RAPGEF4: variants seen among roughly 807,000 people sequenced by gnomAD.
RAPGEF4 encodes Rap guanine nucleotide exchange factor 4.
A neutral mutation model predicts 147.9 loss-of-function variants in RAPGEF4; 66 were observed. That is an observed-to-expected ratio of 0.45 (90% CI 0.37 to 0.55). RAPGEF4 has a LOEUF of 0.55. Ranked by LOEUF, RAPGEF4 falls within the 20% of genes least tolerant of loss-of-function variation. RAPGEF4 has a pLI of 0.00. For missense variants in RAPGEF4, 1,071 were observed against 1,257.3 expected, an observed-to-expected ratio of 0.85 and a Z score of 2.24; for synonymous variants, 419 against 442.7, an observed-to-expected ratio of 0.95 and a Z score of 0.67.
intron 6 of RAPGEF4, among the ~76,000 whole-genome samples, chr2:172,947,052 G>A (rs576582336): frequency 2.6e-5 from 4 of 152,256 alleles, no homozygotes; most frequent in African/African-American, 9.6e-5. Context: ...TCTGAGACTT[G>A]ACATTCAGCT....
intron 1 of RAPGEF4, among the ~76,000 whole-genome samples, chr2:172,788,314 G>A (rs1685444414): frequency 6.6e-6 from 1 of 152,126 alleles, no homozygotes; most frequent in Non-Finnish European, 1.5e-5. Flanking sequence ...ATAAATAATG[G>A]GGTTAGATGC....
At chr2:172,962,884 C>G (rs2011581) in intron 8 of RAPGEF4, among the ~76,000 whole-genome samples, 55,865 of 151,858 alleles carry the variant, frequency 0.37, 10,422 homozygotes, top group East Asian at 0.44. Context: ...TCTAGTCTGT[C>G]GACCTGTATT....
At chr2:172,853,184 C>T (rs1267843165) in intron 4 of RAPGEF4, among the ~76,000 whole-genome samples, 2 of 151,994 alleles carry the variant, frequency 1.3e-5, no homozygotes, top group Non-Finnish European at 1.5e-5. Flanking sequence ...CATCCTCCTT[C>T]ATTTTCTGAA....
chr2:172,913,567 G>T (rs1683691355), intron 4 of RAPGEF4, among the ~76,000 whole-genome samples: 1 of 152,182 alleles, frequency 6.6e-6, no homozygotes, highest in Non-Finnish European at 1.5e-5. Context: ...TCCTGGGTTG[G>T]AATGACTCCA....
At chr2:172,804,562 C>CAGT in intron 3 of RAPGEF4, among the ~76,000 whole-genome samples, 1 of 152,140 alleles carries the variant, frequency 6.6e-6, no homozygotes, top group African/African-American at 2.4e-5. Flanking sequence ...AGCCTGGGAA[C>CAGT]GGGGAGTACC....
chr2:173,027,127 C>G lies in RAPGEF4; in HGVS notation c.2426C>G (p.Thr809Ser), dbSNP rs201741962. The G allele has an allele frequency of 2.2e-4, 357 of 1,611,800 alleles. No individual in the cohort carries two copies. Among genetic ancestry groups the G allele is most frequent in the Non-Finnish European group, 2.8e-4 (334 of 1,179,300 alleles). ...TTTGGAAGGCATAATTTTAAAAAGA[C>G]CACAGCAAACTTGGATTTGTTCCTG... The part of the protein sequence containing the change: ...HTFGRHNFKK[T>S]TANLDLFLRR... Residue 809 changes from threonine (T) to serine (S), a missense_variant, in exon 25 of 31, where the codon ACC (threonine) becomes AGC (serine). Physicochemically the swap from Thr to Ser is moderately conservative, Grantham distance 58. Transcript: ENST00000397081.
intron 6 of RAPGEF4, among the ~76,000 whole-genome samples, chr2:172,946,722 A>G (rs1046868910): frequency 1.2e-4 from 18 of 152,114 alleles, no homozygotes; most frequent in Admixed American, 3.3e-4. Flanking sequence ...TCTTCCCCCA[A>G]CACAAACCTT....
At chr2:173,023,129 T>G (rs1696273519) in intron 23 of RAPGEF4, among the ~76,000 whole-genome samples, 1 of 152,078 alleles carries the variant, frequency 6.6e-6, no homozygotes, top group African/African-American at 2.4e-5. Flanking sequence ...ACACAGAGGG[T>G]GTGGGCACAC....
Position 172,874,246 on chromosome 2 carries a change from C to A in RAPGEF4, c.445-43556C>A, listed in dbSNP as rs148550591. 4.6e-4 allele frequency among the ~76,000 whole-genome samples: 70 copies of A among 152,110 alleles called. No individual in the cohort carries two copies. In the South Asian group the frequency reaches 5.8e-3, roughly 13 times the overall value. ...TAATTCTATTATAAAGACACGTGCACGTGTATTTTTTTTAAATTATACTTT... is the reference window on the plus strand; with the variant it reads ...TAATTCTATTATAAAGACACGTGCAAGTGTATTTTTTTTAAATTATACTTT... On this transcript the variant is annotated intron_variant, in intron 4 of 30. Transcript: ENST00000397081.
chr2:172,799,525 G>T (rs951250743), intron 3 of RAPGEF4, among the ~76,000 whole-genome samples: 6 of 152,072 alleles, frequency 3.9e-5, no homozygotes, highest in Admixed American at 3.9e-4. Flanking sequence ...GTCCTGGTGG[G>T]GACTCTCTGG....
chr2:172,860,502 TA>T (rs1047842615), intron 4 of RAPGEF4, among the ~76,000 whole-genome samples: 6 of 150,976 alleles, frequency 4.0e-5, no homozygotes, highest in African/African-American at 7.3e-5. Context: ...GAGAGAAATG[TA>T]AAAAAAAGTA....
intron 4 of RAPGEF4, among the ~76,000 whole-genome samples, chr2:172,816,317 A>G (rs898293433): frequency 1.3e-5 from 2 of 148,266 alleles, no homozygotes; most frequent in African/African-American, 5.0e-5. Context: ...CCCCTGCCCC[A>G]TCATGGCATT....
chr2:172,941,019 G>A (rs960815703), intron 6 of RAPGEF4, among the ~76,000 whole-genome samples: 8 of 152,106 alleles, frequency 5.3e-5, no homozygotes, highest in African/African-American at 1.7e-4. Context: ...AATTCCAGTT[G>A]TTCATTGCTG....
chr2:172,985,395 A>C (rs1451568231), intron 11 of RAPGEF4, 38 bp from the exon 12 acceptor site: 1 of 1,613,720 alleles, frequency 6.2e-7, no homozygotes, highest in African/African-American at 1.3e-5. Context: ...CAGACCTGGA[A>C]ATGTGGCCTT....
In RAPGEF4 at chr2:173,005,228, A is replaced by G. The variant is rs962341151; in HGVS notation, c.1658+3884A>G. 3.9e-5 allele frequency among the ~76,000 whole-genome samples: 6 copies of G among 152,290 alleles called. 1 individual carries two copies. In the East Asian group the frequency reaches 9.6e-4, roughly 24 times the overall value. On this transcript the variant is annotated intron_variant, in intron 17 of 30. Transcript: ENST00000397081. Reference sequence around the variant, plus strand: ...ACACTTTAAATTCCTAAAAATAGGCAAAGAATATGTAGTATGTTAATGCTT... The same window carrying G: ...ACACTTTAAATTCCTAAAAATAGGCGAAGAATATGTAGTATGTTAATGCTT...
At position 173,051,875 on chromosome 2, in the gene RAPGEF4, G is replaced by A; in HGVS notation, c.*108G>A. On this transcript the variant is annotated 3_prime_UTR_variant, in exon 31 of 31. Transcript: ENST00000397081. Reference sequence around the variant, plus strand: ...GCCACTAGAGAATTCTACAAAACAAGCAAAAACACATCCTGAGACACCTCA... The same window carrying A: ...GCCACTAGAGAATTCTACAAAACAAACAAAAACACATCCTGAGACACCTCA... 1.5e-6 allele frequency: 2 copies of A among 1,346,168 alleles called. No individual in the cohort carries two copies. Among genetic ancestry groups the A allele is most frequent in the Admixed American group, 2.0e-5 (1 of 50,376 alleles). The allele number at this position is 1,346,168 out of a possible 1,614,324, so 83.4% of individuals were successfully genotyped here.
At chr2:172,959,733 C>T (rs1270984719) in intron 6 of RAPGEF4, among the ~76,000 whole-genome samples, 1 of 152,154 alleles carries the variant, frequency 6.6e-6, no homozygotes, top group Admixed American at 6.5e-5. Flanking sequence ...GACTAGAGGG[C>T]TTAATGTGTA....
At chr2:172,842,585 G>A (rs1691735359) in intron 4 of RAPGEF4, among the ~76,000 whole-genome samples, 1 of 152,200 alleles carries the variant, frequency 6.6e-6, no homozygotes, top group Admixed American at 6.5e-5. Context: ...GTTGGTTGAT[G>A]CTGACAGGAG....
chr2:172,929,863 T>C (rs1685742399), intron 6 of RAPGEF4, among the ~76,000 whole-genome samples: 1 of 152,208 alleles, frequency 6.6e-6, no homozygotes, highest in African/African-American at 2.4e-5. Context: ...AACTCCCAGC[T>C]CTGCCAATTT....
Sources: gnomAD v4.1 joint callset for allele counts (sites outside exome capture counted in the v4.1 genomes callset) on GRCh38, gnomAD v4.1.1 for gene constraint, MANE v1.5 for transcripts, NCBI Gene and HGNC (gene_info 2026-07-23, HGNC 2026-07-21) for gene names.